STAU1: variants seen among roughly 807,000 people sequenced by gnomAD.
The protein encoded by STAU1 is staufen double-stranded RNA binding protein 1, also known as double-stranded RNA-binding protein Staufen homolog 1.
Under a neutral mutation model 62.9 loss-of-function variants are expected in STAU1, and 13 were observed. That is an observed-to-expected ratio of 0.21 (90% CI 0.13 to 0.33). The LOEUF (loss-of-function observed/expected upper bound fraction) is 0.33, where lower values mean the gene tolerates loss of function less well. Ranked by LOEUF, STAU1 falls within the 10% of genes least tolerant of loss-of-function variation. The pLI is 1.00. For missense variants in STAU1, 571 were observed against 712.1 expected (o/e 0.80, Z 2.25); for synonymous variants, 269 against 265.1 (o/e 1.01, Z -0.14).
rs2145779143 is a variant in STAU1, at chr20:49,113,349, G to A, written c.*1529C>T. 1 of 152,694 alleles carries A rather than the reference G, an allele frequency of 6.5e-6. No homozygotes were observed. The highest frequency in any genetic ancestry group is 1.9e-4 in the East Asian group (1 of 5,194). The allele number at this position is 152,694 out of a possible 1,614,324, so 9.5% of individuals were successfully genotyped here. On this transcript the variant is annotated 3_prime_UTR_variant, in exon 14 of 14. Coordinates refer to ENST00000371856, the MANE Select transcript of STAU1 (RefSeq NM_017453.4). Reference sequence around the variant, plus strand: ...AACAGGACCAAACACTTCATTAGTAGCTGTTTATTGATCAATGGTTTGATA... The same window carrying A: ...AACAGGACCAAACACTTCATTAGTAACTGTTTATTGATCAATGGTTTGATA...
intron 6 of STAU1, among the ~76,000 whole-genome samples, chr20:49,135,307 A>T (rs2092853846): frequency 6.6e-6 from 1 of 152,260 alleles, no homozygotes; most frequent in Non-Finnish European, 1.5e-5. Context: ...TTAAGGCAAC[A>T]TATATTAAAA....
intron 3 of STAU1, among the ~76,000 whole-genome samples, chr20:49,163,947 C>T (rs569248419): frequency 1.8e-4 from 28 of 151,932 alleles, no homozygotes; most frequent in African/African-American, 6.8e-4. Flanking sequence ...AAATTGGCCT[C>T]GCAGCCTGGC....
Position 49,149,313 on chromosome 20 carries a change from G to A in STAU1, c.510+2269C>T, listed in dbSNP as rs1041686130. 1.5e-4 allele frequency among the ~76,000 whole-genome samples: 21 copies of A among 141,782 alleles called. No individual in the cohort carries two copies. The East Asian group carries it at 3.6e-3, about 24-fold the overall frequency. 93.0% of individuals were successfully genotyped at this position (141,782 alleles called of 152,430 possible). A position where few individuals can be genotyped will look rare whatever the true frequency, so the allele number is the denominator to read the frequency against. On this transcript the variant is annotated intron_variant, in intron 5 of 13. Coordinates refer to ENST00000371856, the MANE Select transcript of STAU1 (RefSeq NM_017453.4). Reference sequence around the variant, plus strand: ...ACACCAGCAAGAACAACAAAAGCAGGGAGAGACTGTCTCAAAACACACACA... The same window carrying A: ...ACACCAGCAAGAACAACAAAAGCAGAGAGAGACTGTCTCAAAACACACACA...
At position 49,184,835 on chromosome 20, in the gene STAU1, T is replaced by G. The variant is rs576527298; in HGVS notation, c.-160+3281A>C. Among the ~76,000 whole-genome samples, 10 of 152,258 alleles carry G rather than the reference T, an allele frequency of 6.6e-5. No individual in the cohort carries two copies. In the East Asian group the frequency reaches 1.9e-3, roughly 29 times the overall value. The stretch of plus-strand genomic sequence containing the variant: ...GTAGTCATAACTAAAACATAACATG[T>G]AACATTTCCACTGTACCTGATCAAG... On this transcript the variant is annotated intron_variant, in intron 1 of 13. Transcript: ENST00000371856.
At chr20:49,175,488 GT>G (rs1408141691) in intron 1 of STAU1, among the ~76,000 whole-genome samples, 1 of 151,208 alleles carries the variant, frequency 6.6e-6, no homozygotes, top group Non-Finnish European at 1.5e-5. Flanking sequence ...GTTTGTTCAG[GT>G]TTTTTTTTGA....
the STAU1 span, among the ~76,000 whole-genome samples, chr20:49,196,966 G>A: frequency 2.0e-4 from 30 of 152,100 alleles, no homozygotes; most frequent in African/African-American, 6.0e-4. Flanking sequence ...AAACCAGCCT[G>A]GGCAACATGG....
intron 5 of STAU1, among the ~76,000 whole-genome samples, chr20:49,142,387 C>CA (rs936659867): frequency 6.6e-6 from 1 of 151,256 alleles, no homozygotes; most frequent in African/African-American, 2.4e-5. Flanking sequence ...CGTGCCCAGC[C>CA]AAAAAAAAAT....
At chr20:49,166,544 G>A (rs549138023) in intron 2 of STAU1, among the ~76,000 whole-genome samples, 1 of 152,216 alleles carries the variant, frequency 6.6e-6, no homozygotes, top group East Asian at 1.9e-4. Context: ...AGAATCAGTA[G>A]GGTATAATAT....
rs934711368 is a variant in STAU1 at position 49,180,331 on chromosome 20, T to C, written c.-159-6062A>G. On this transcript the variant is annotated intron_variant, in intron 1 of 13. Coordinates refer to ENST00000371856, the MANE Select transcript of STAU1 (RefSeq NM_017453.4). ...CTGGACTACAGTTCTTTTTTTTTTTTTCCCCCCCTGGATACAGAGTCTTGC... is the reference window on the plus strand; with the variant it reads ...CTGGACTACAGTTCTTTTTTTTTTTCTCCCCCCCTGGATACAGAGTCTTGC... Among the ~76,000 whole-genome samples, 147 of 81,126 alleles carry C rather than the reference T, an allele frequency of 1.8e-3. 1 individual carries two copies. Among genetic ancestry groups the C allele is most frequent in the African/African-American group, 8.2e-3 (141 of 17,234 alleles). The allele number at this position is 81,126 out of a possible 152,430, so 53.2% of individuals were successfully genotyped here.
intron 5 of STAU1, among the ~76,000 whole-genome samples, chr20:49,139,313 C>T (rs1006230135): frequency 1.1e-4 from 16 of 152,110 alleles, no homozygotes; most frequent in Admixed American, 2.6e-4. Context: ...ATGGGATTTG[C>T]AAATCATTTA....
At chr20:49,175,083 G>C (rs375954038) in intron 1 of STAU1, among the ~76,000 whole-genome samples, 13 of 152,334 alleles carry the variant, frequency 8.5e-5, no homozygotes, top group African/African-American at 2.9e-4. Flanking sequence ...TTGAACCTGG[G>C]AGGTGGAGGT....
the STAU1 span, among the ~76,000 whole-genome samples, chr20:49,201,086 G>GAAGAAGAAAAGAA: frequency 9.9e-6 from 1 of 101,504 alleles, no homozygotes; most frequent in Non-Finnish European, 2.1e-5. Flanking sequence ...AGAAGAAGAA[G>GAAGAAGAAAAGAA]AAAAGAAAAG....
At chr20:49,205,677 T>C in the STAU1 span, among the ~76,000 whole-genome samples, 2 of 140,978 alleles carry the variant, frequency 1.4e-5, no homozygotes, top group African/African-American at 5.2e-5. Context: ...GTTAGCTTTC[T>C]TTTTTTTTTT....
chr20:49,209,503 C>T, the STAU1 span, among the ~76,000 whole-genome samples: 50 of 150,222 alleles, frequency 3.3e-4, no homozygotes, highest in African/African-American at 1.2e-3. Context: ...TCACAGTTTG[C>T]GAGGCCAAGT....
At chr20:49,137,358 A>G (rs1205570976) in intron 5 of STAU1, among the ~76,000 whole-genome samples, 1 of 152,142 alleles carries the variant, frequency 6.6e-6, no homozygotes, top group African/African-American at 2.4e-5. Context: ...CAGGGATGAG[A>G]TTAAAGAGGA....
chr20:49,206,719 T>TTATATATATATATATATATATA, the STAU1 span, among the ~76,000 whole-genome samples: 64 of 105,994 alleles, frequency 6.0e-4, no homozygotes, highest in Middle Eastern at 6.3e-3. Context: ...AAATGAAATT[T>TTATATATATATATATATATATA]TATATATATA....
chr20:49,219,010 C>T, the STAU1 span, among the ~76,000 whole-genome samples: 1 of 126,350 alleles, frequency 7.9e-6, no homozygotes, highest in African/African-American at 3.1e-5. Context: ...CCAAACCCTG[C>T]CTCAAAAAAA....
chr20:49,177,695 T>A lies in STAU1; in HGVS notation c.-159-3426A>T, dbSNP rs541971365. Among the ~76,000 whole-genome samples the A allele has an allele frequency of 7.4e-4, 111 of 150,922 alleles. 1 individual carries two copies. The highest frequency in any genetic ancestry group is 2.6e-3 in the African/African-American group (106 of 41,130). On this transcript the variant is annotated intron_variant, in intron 1 of 13. Coordinates refer to ENST00000371856, the MANE Select transcript of STAU1 (RefSeq NM_017453.4). Reference sequence around the variant, plus strand: ...CTCCGTCTCAAAAACAAAAAAAAAATTTTAAAACACACATAAAAAAAGCTA... The same window carrying A: ...CTCCGTCTCAAAAACAAAAAAAAAAATTTAAAACACACATAAAAAAAGCTA...
chr20:49,205,300 A>G, the STAU1 span, among the ~76,000 whole-genome samples: 1 of 151,978 alleles, frequency 6.6e-6, no homozygotes, highest in African/African-American at 2.4e-5. Context: ...CATTACGCAC[A>G]CAAGTGCTCT....
Sources: allele counts gnomAD v4.1 joint callset (sites outside exome capture counted in the v4.1 genomes callset), GRCh38; gene constraint gnomAD v4.1.1; transcripts MANE v1.5; gene names NCBI Gene and HGNC (gene_info 2026-07-23, HGNC 2026-07-21).